The following HMG20A variants were observed in gnomAD, a reference collection of about 807,000 sequenced individuals.
The protein encoded by HMG20A is high mobility group protein 20A.
A neutral mutation model predicts 43.9 loss-of-function variants in HMG20A; 17 were observed. The observed-to-expected ratio is 0.39, with a 90% CI of 0.27 to 0.58. HMG20A has a LOEUF of 0.58. Among genes scored for constraint, HMG20A ranks in the 20% least tolerant of loss-of-function variants. The pLI is 0.59. For missense variants in HMG20A, 341 were observed against 438.2 expected, an observed-to-expected ratio of 0.78 and a Z score of 1.98; for synonymous variants, 132 against 147.5, an observed-to-expected ratio of 0.89 and a Z score of 0.76.
intron 9 of HMG20A, chr15:77,479,642 TG>T (rs1165920645): frequency 5.1e-6 from 1 of 195,146 alleles, no homozygotes; most frequent in Non-Finnish European, 1.0e-5. Context: ...AATGGTTTAA[TG>T]GGAAAAGCAT....
chr15:77,516,418 A>G, the HMG20A span, among the ~76,000 whole-genome samples: 1 of 152,154 alleles, frequency 6.6e-6, no homozygotes, highest in Non-Finnish European at 1.5e-5. Context: ...CAAGGCTGCA[A>G]TGAGCCATGA....
At chr15:77,428,674 T>C (rs967814206) in intron 1 of HMG20A, among the ~76,000 whole-genome samples, 5 of 152,090 alleles carry the variant, frequency 3.3e-5, no homozygotes, top group South Asian at 2.1e-4. Flanking sequence ...ACACACCAAA[T>C]AAGTGGACTC....
At chr15:77,448,113 T>C (rs1456357853) in intron 1 of HMG20A, among the ~76,000 whole-genome samples, 1 of 152,242 alleles carries the variant, frequency 6.6e-6, no homozygotes, top group Non-Finnish European at 1.5e-5. Flanking sequence ...CCATCTCTAC[T>C]ACTGCTATTC....
the HMG20A span, among the ~76,000 whole-genome samples, chr15:77,511,481 T>C: frequency 6.6e-6 from 1 of 152,174 alleles, no homozygotes; most frequent in South Asian, 2.1e-4. Context: ...AAACATCTTG[T>C]TGTTTCAGAC....
chr15:77,447,034 G>A (rs764498836), intron 1 of HMG20A, among the ~76,000 whole-genome samples: 3 of 152,046 alleles, frequency 2.0e-5, no homozygotes, highest in African/African-American at 2.4e-5. Flanking sequence ...CCTTTTTACC[G>A]TTTCATAGTA....
chr15:77,421,103 C>T (rs1253697119), intron 1 of HMG20A, 99 bp downstream of exon 1: 7 of 390,434 alleles, frequency 1.8e-5, no homozygotes, highest in South Asian at 1.4e-4. Flanking sequence ...TGGTTTGTCT[C>T]AGTTGGAGGC....
intron 1 of HMG20A, among the ~76,000 whole-genome samples, chr15:77,422,043 T>A (rs2073363651): frequency 6.6e-6 from 1 of 152,218 alleles, no homozygotes; most frequent in South Asian, 2.1e-4. Context: ...TCATTTTTAA[T>A]AAACTATATG....
chr15:77,456,699 AT>A (rs1217949881), intron 1 of HMG20A, among the ~76,000 whole-genome samples: 2 of 151,450 alleles, frequency 1.3e-5, no homozygotes, highest in Non-Finnish European at 2.9e-5. Flanking sequence ...GGCCATTTGA[AT>A]GTTTGCTCAC....
At chr15:77,440,839 A>G (rs2073604331) in intron 1 of HMG20A, among the ~76,000 whole-genome samples, 1 of 152,190 alleles carries the variant, frequency 6.6e-6, no homozygotes, top group African/African-American at 2.4e-5. Flanking sequence ...TTGAATAGCC[A>G]TAGTGACTAT....
At chr15:77,428,088 G>T (rs2073444670) in intron 1 of HMG20A, among the ~76,000 whole-genome samples, 1 of 152,196 alleles carries the variant, frequency 6.6e-6, no homozygotes, top group Admixed American at 6.5e-5. Context: ...TGACTTACCT[G>T]TGTTCATAAT....
intron 3 of HMG20A, among the ~76,000 whole-genome samples, chr15:77,465,500 A>G (rs570044619): frequency 4.7e-4 from 71 of 151,280 alleles, no homozygotes; most frequent in African/African-American, 1.6e-3. Context: ...GGTTCAAGCT[A>G]TTCTCCTGCC....
At chr15:77,426,344 T>C (rs970011632) in intron 1 of HMG20A, among the ~76,000 whole-genome samples, 19 of 152,214 alleles carry the variant, frequency 1.2e-4, no homozygotes, top group Non-Finnish European at 2.1e-4. Flanking sequence ...CTGGAAGCCT[T>C]ACCAATAGCA....
In HMG20A at chr15:77,446,423, T is replaced by TA. The variant is rs201587772; in HGVS notation, c.-4-11971dup. Among the ~76,000 whole-genome samples, 1,167 of 149,070 alleles carry TA rather than the reference T, an allele frequency of 7.8e-3. 42 individuals carry two copies. The highest frequency in any genetic ancestry group is 0.06 in the Admixed American group (902 of 14,958). The stretch of plus-strand genomic sequence containing the variant: ...ACTGAAAAACATTGTTTTTCAACTT[T>TA]AAAAAAAAAACTCGTGTCTCCTCTT... On this transcript the variant is annotated intron_variant, in intron 1 of 9. Transcript: ENST00000336216.
intron 9 of HMG20A, among the ~76,000 whole-genome samples, chr15:77,479,887 A>G (rs1227149751): frequency 6.6e-6 from 1 of 152,222 alleles, no homozygotes; most frequent in Non-Finnish European, 1.5e-5. Context: ...GAGCCTACAT[A>G]AGTAGGAAGC....
At chr15:77,512,775 T>C in the HMG20A span, among the ~76,000 whole-genome samples, 2 of 151,930 alleles carry the variant, frequency 1.3e-5, no homozygotes, top group Admixed American at 1.3e-4. Context: ...ATATAAAATA[T>C]TAATTAATTA....
chr15:77,503,539 C>G, the HMG20A span, among the ~76,000 whole-genome samples: 3 of 152,286 alleles, frequency 2.0e-5, no homozygotes, highest in Non-Finnish European at 4.4e-5. Flanking sequence ...GAGATGCTCT[C>G]TGATGCTTAT....
At chr15:77,478,231 T>C in intron 7 of HMG20A, 64 bp from the exon 8 acceptor site, 1 of 1,526,386 alleles carries the variant, frequency 6.6e-7, no homozygotes, top group Non-Finnish European at 9.1e-7. Context: ...CCTGTAAGAG[T>C]CATTGGGACT....
chr15:77,477,260 C>G (rs1280331077), intron 6 of HMG20A, among the ~76,000 whole-genome samples: 1 of 152,148 alleles, frequency 6.6e-6, no homozygotes, highest in African/African-American at 2.4e-5. Flanking sequence ...ATTCAAAACA[C>G]AAGGCTAAGA....
rs192949693 is a variant in HMG20A at position 77,471,792 on chromosome 15, G to A, written c.593G>A (p.Arg198Gln). Reference protein sequence around the residue: ...KGKSHRQDAARQATHDHEKET... With the variant: ...KGKSHRQDAAQQATHDHEKET... ...TCTTTTATATTTTTAGATGCAGCCC[G>A]GCAGGCCACTCATGATCATGAGGTA... Residue 198 changes from arginine to glutamine, a missense_variant, in exon 6 of 10, where the codon CGG becomes CAG. By Grantham distance (43) the Arg-to-Gln change is conservative. This residue lies in a region of HMG20A where 220 missense variants were observed against 263.6 expected (regional missense o/e 0.83). Transcript: ENST00000336216. 1.3e-4 allele frequency: 201 copies of A among 1,571,990 alleles called. 1 individual carries two copies. The highest frequency in any genetic ancestry group is 1.9e-4 in the Admixed American group (11 of 57,050).
Sources: gnomAD v4.1 joint callset for allele counts (sites outside exome capture counted in the v4.1 genomes callset) on GRCh38, gnomAD v4.1.1 for gene constraint, gnomAD v4.1.1 regional missense constraint, MANE v1.5 for transcripts, NCBI Gene and HGNC (gene_info 2026-07-23, HGNC 2026-07-21) for gene names.